TTBK2: variants seen among roughly 807,000 people sequenced by gnomAD.
The protein encoded by TTBK2 is tau tubulin kinase 2.
A neutral mutation model predicts 110.8 loss-of-function variants in TTBK2; 28 were observed. That is an observed-to-expected ratio of 0.25 (90% CI 0.19 to 0.35). The LOEUF is 0.35. Ranked by LOEUF, TTBK2 falls within the 10% of genes least tolerant of loss-of-function variation. The pLI, the probability that TTBK2 is intolerant of heterozygous loss-of-function variation, is 1.00. For synonymous variants in TTBK2, 532 were observed against 527.3 expected, an observed-to-expected ratio of 1.01 and a Z score of -0.12; for missense variants, 1,369 against 1,500.3, an observed-to-expected ratio of 0.91 and a Z score of 1.45.
chr15:42,749,451 C>T (rs1050990050), intron 14 of TTBK2, among the ~76,000 whole-genome samples: 3 of 152,168 alleles, frequency 2.0e-5, no homozygotes, highest in African/African-American at 7.2e-5. Context: ...TAACAGCTAC[C>T]CATCCCCCAT....
chr15:42,739,044 C>T lies in TTBK2; in HGVS notation c.*6751G>A, dbSNP rs2061734016. On this transcript the variant is annotated 3_prime_UTR_variant, in exon 15 of 15. Transcript: ENST00000267890. The stretch of plus-strand genomic sequence containing the variant: ...AATACAAAATAATTTTAAAACAGAA[C>T]TTAAAACACTGTACAAAGCTTTAAT... 1 of 152,124 alleles carries T rather than the reference C, an allele frequency of 6.6e-6. No individual in the cohort carries two copies. Among genetic ancestry groups the T allele is most frequent in the Non-Finnish European group, 1.5e-5 (1 of 68,012 alleles). The allele number at this position is 152,124 out of a possible 1,614,324, so 9.4% of individuals were successfully genotyped here.
At chr15:42,895,028 ACT>A (rs1895613067) in intron 1 of TTBK2, among the ~76,000 whole-genome samples, 1 of 152,150 alleles carries the variant, frequency 6.6e-6, no homozygotes, top group Admixed American at 6.6e-5. Flanking sequence ...ATGGTATAAA[ACT>A]CTCAGCAAAC....
intron 5 of TTBK2, 140 bp downstream of exon 5, chr15:42,829,798 C>T: frequency 4.3e-6 from 5 of 1,163,020 alleles, no homozygotes; most frequent in South Asian, 1.4e-5. Flanking sequence ...TTTTTGCTTC[C>T]AGGTCTCTAT....
intron 5 of TTBK2, among the ~76,000 whole-genome samples, chr15:42,828,551 TAA>T (rs376055381): frequency 5.7e-5 from 8 of 141,000 alleles, no homozygotes; most frequent in Non-Finnish European, 4.7e-5. Flanking sequence ...CCGTTTCTAC[TAA>T]AAAAAAAAAA....
chr15:42,801,276 A>T (rs766186246), intron 9 of TTBK2: 1 of 1,542,980 alleles, frequency 6.5e-7, no homozygotes, highest in Non-Finnish European at 8.8e-7. Flanking sequence ...GGCCAGCTTG[A>T]CGTTCATCAG....
chr15:42,746,312 A>G, intron 14 of TTBK2, 55 bp from the exon 15 acceptor site: 1 of 1,370,382 alleles, frequency 7.3e-7, no homozygotes, highest in African/African-American at 1.4e-5. Context: ...AGTGTGCCTA[A>G]AAAGTCACAA....
intron 10 of TTBK2, among the ~76,000 whole-genome samples, chr15:42,785,386 G>T (rs1483249721): frequency 6.6e-6 from 1 of 152,142 alleles, no homozygotes; most frequent in Non-Finnish European, 1.5e-5. Flanking sequence ...CTCCCAAAGT[G>T]CTGGGATTAC....
At chr15:42,898,749 G>A (rs1895768580) in intron 1 of TTBK2, among the ~76,000 whole-genome samples, 1 of 152,176 alleles carries the variant, frequency 6.6e-6, no homozygotes, top group Non-Finnish European at 1.5e-5. Context: ...TGGAAAGCTG[G>A]TAGATAATGA....
chr15:42,754,938 G>C (rs909144113), intron 13 of TTBK2, among the ~76,000 whole-genome samples: 3 of 146,170 alleles, frequency 2.1e-5, no homozygotes, highest in Non-Finnish European at 4.5e-5. Context: ...AACCCGAGAG[G>C]CAGAGGTTGT....
At chr15:42,893,931 G>T (rs1895567035) in intron 1 of TTBK2, among the ~76,000 whole-genome samples, 1 of 152,058 alleles carries the variant, frequency 6.6e-6, no homozygotes, top group Non-Finnish European at 1.5e-5. Flanking sequence ...CTCCTTAATA[G>T]TCCTACTAAA....
Position 42,829,486 on chromosome 15 carries a change from T to C in TTBK2, c.432+452A>G, listed in dbSNP as rs17775525. Among the ~76,000 whole-genome samples, 802 of 152,292 alleles carry C rather than the reference T, an allele frequency of 5.3e-3. 11 individuals are homozygous for C. Among genetic ancestry groups the C allele is most frequent in the South Asian group, 0.039 (190 of 4,824 alleles). On this transcript the variant is annotated intron_variant, in intron 5 of 14. Coordinates refer to ENST00000267890, the MANE Select transcript of TTBK2 (RefSeq NM_173500.4). ...GAATAATGCCAATTTAGGCATAAGG[T>C]TAAGTAACTGGCAATGTTAGCACAC...
At chr15:42,835,454 G>T (rs1367739399) in intron 4 of TTBK2, among the ~76,000 whole-genome samples, 1 of 152,070 alleles carries the variant, frequency 6.6e-6, no homozygotes, top group African/African-American at 2.4e-5. Context: ...GCAAAATCCA[G>T]AATATGGTAA....
chr15:42,881,093 G>T (rs1392215866), intron 1 of TTBK2, among the ~76,000 whole-genome samples: 1 of 151,180 alleles, frequency 6.6e-6, no homozygotes, highest in Non-Finnish European at 1.5e-5. Flanking sequence ...ACCAGCCTGG[G>T]CATTATGGCA....
chr15:42,788,330 A>G (rs1181971707), intron 10 of TTBK2, among the ~76,000 whole-genome samples: 1 of 152,124 alleles, frequency 6.6e-6, no homozygotes, highest in Non-Finnish European at 1.5e-5. Flanking sequence ...ATTTTTGTGA[A>G]TGTTCCAGGG....
At chr15:42,917,217 T>C (rs1324833742) in intron 1 of TTBK2, among the ~76,000 whole-genome samples, 2 of 151,438 alleles carry the variant, frequency 1.3e-5, no homozygotes, top group East Asian at 3.9e-4. Flanking sequence ...CCAAGGATTA[T>C]AGAGACAAAG....
chr15:42,819,559 G>A (rs925628393), intron 6 of TTBK2, among the ~76,000 whole-genome samples: 88 of 151,936 alleles, frequency 5.8e-4, no homozygotes, highest in African/African-American at 2.1e-3. Context: ...TGTATTTAAT[G>A]GCAAGTCTCA....
chr15:42,875,375 G>A (rs938249663), intron 2 of TTBK2, among the ~76,000 whole-genome samples: 4 of 152,108 alleles, frequency 2.6e-5, no homozygotes, highest in African/African-American at 7.2e-5. Context: ...ATTTTCCAAC[G>A]ATAGGCACAA....
intron 3 of TTBK2, among the ~76,000 whole-genome samples, chr15:42,846,673 CTT>C (rs1893480172): frequency 6.6e-6 from 1 of 152,182 alleles, no homozygotes; most frequent in Admixed American, 6.5e-5. Context: ...ATTTATTACT[CTT>C]TTGATAACAC....
chr15:42,824,883 T>A (rs186724804), intron 6 of TTBK2, among the ~76,000 whole-genome samples: 57 of 151,742 alleles, frequency 3.8e-4, no homozygotes, highest in Admixed American at 3.3e-3. Flanking sequence ...TGAAAAATAA[T>A]AATAAAAAAT....
Sources: gnomAD v4.1 joint callset for allele counts (sites outside exome capture counted in the v4.1 genomes callset) on GRCh38, gnomAD v4.1.1 for gene constraint, MANE v1.5 for transcripts, NCBI Gene and HGNC (gene_info 2026-07-23, HGNC 2026-07-21) for gene names.